PAN3: variants seen among roughly 807,000 people sequenced by gnomAD.
The protein encoded by PAN3 is PAN2-PAN3 deadenylation complex subunit PAN3.
Under a neutral mutation model 96.2 loss-of-function variants are expected in PAN3, and 19 were observed. The ratio of observed to expected loss-of-function variants is 0.20; its 90% CI spans 0.14 to 0.29. The LOEUF is 0.29. PAN3 is among the 10% of genes least tolerant of loss of function. The probability of loss-of-function intolerance (pLI) is 1.00; values close to 1 mark genes in which losing one functional copy is unlikely to be tolerated. For missense variants in PAN3, 882 were observed against 1,108.1 expected (o/e 0.80, Z 2.90); for synonymous variants, 433 against 406.6 (o/e 1.06, Z -0.78).
At position 28,292,609 on chromosome 13, in the gene PAN3, C is replaced by A; in HGVS notation, c.*87C>A. 2 of 1,346,038 alleles carry A rather than the reference C, an allele frequency of 1.5e-6. No homozygotes were observed. Among genetic ancestry groups the A allele is most frequent in the South Asian group, 1.7e-5 (1 of 57,576 alleles). 83.4% of individuals were successfully genotyped at this position (1,346,038 alleles called of 1,614,324 possible). On this transcript the variant is annotated 3_prime_UTR_variant, in exon 19 of 19. Transcript: ENST00000380958. ...CAGCTGAACTTTTCATCATCTCATT[C>A]ACATTTGGGAAACGAACAGGAGATG...
upstream of PAN3, chr13:28,138,213 T>G (rs1249332249): frequency 6.6e-6 from 1 of 152,174 alleles, no homozygotes; most frequent in African/African-American, 2.4e-5. Flanking sequence ...GACGGCCGTC[T>G]CAGGAAGAGG....
At chr13:28,141,345 G>C (rs1224017175) in intron 1 of PAN3, among the ~76,000 whole-genome samples, 2 of 151,658 alleles carry the variant, frequency 1.3e-5, no homozygotes, top group Non-Finnish European at 2.9e-5. Flanking sequence ...AGACTTCATA[G>C]GTGATCTTTC....
intron 6 of PAN3, among the ~76,000 whole-genome samples, chr13:28,237,983 G>T (rs1446298213): frequency 6.6e-6 from 1 of 152,190 alleles, no homozygotes; most frequent in African/African-American, 2.4e-5. Context: ...ATGAATGCAT[G>T]TTAATTTGAC....
At chr13:28,284,074 G>A (rs1423059617) in intron 17 of PAN3, among the ~76,000 whole-genome samples, 1 of 152,198 alleles carries the variant, frequency 6.6e-6, no homozygotes, top group Non-Finnish European at 1.5e-5. Context: ...AGGTCAGTAG[G>A]TGTGCCACTA....
At chr13:28,145,314 A>G (rs1017324429) in intron 1 of PAN3, among the ~76,000 whole-genome samples, 1 of 151,730 alleles carries the variant, frequency 6.6e-6, no homozygotes, top group Non-Finnish European at 1.5e-5. Context: ...TTGGCTTTCA[A>G]TTTTTTGACT....
chr13:28,291,189 C>T (rs1462298547), intron 18 of PAN3, among the ~76,000 whole-genome samples: 1 of 150,814 alleles, frequency 6.6e-6, no homozygotes, highest in African/African-American at 2.5e-5. Flanking sequence ...CAGAAATTGT[C>T]TGGTAAATGA....
intron 1 of PAN3, 88 bp downstream of exon 1, chr13:28,139,175 G>A (rs111929105): frequency 8.2e-7 from 1 of 1,221,850 alleles, no homozygotes; most frequent in Non-Finnish European, 1.0e-6. Flanking sequence ...AGCTGAGCAC[G>A]GCCCGCGGGC....
chr13:28,267,502 AT>A (rs1232090983), intron 12 of PAN3, 101 bp downstream of exon 12: 7 of 995,974 alleles, frequency 7.0e-6, no homozygotes, highest in African/African-American at 1.6e-5. Flanking sequence ...CCCTGTAATC[AT>A]TTAGTTTAAA....
chr13:28,259,406 A>G (rs1037985455), intron 7 of PAN3, among the ~76,000 whole-genome samples: 7 of 151,746 alleles, frequency 4.6e-5, no homozygotes, highest in Non-Finnish European at 1.0e-4. Context: ...TCCGGGTTCA[A>G]ATGATTCTCC....
intron 1 of PAN3, among the ~76,000 whole-genome samples, chr13:28,145,362 T>C (rs1360876740): frequency 6.6e-6 from 1 of 152,170 alleles, no homozygotes; most frequent in African/African-American, 2.4e-5. Flanking sequence ...TCTCACTCTA[T>C]CACCCATGCT....
intron 6 of PAN3, chr13:28,239,444 G>T: frequency 8.2e-6 from 3 of 366,934 alleles, no homozygotes; most frequent in South Asian, 6.6e-5. Flanking sequence ...GATGCCTTTG[G>T]TTCATTGGCT....
At chr13:28,288,217 G>T in intron 18 of PAN3, 95 bp downstream of exon 18, 3 of 1,141,034 alleles carry the variant, frequency 2.6e-6, no homozygotes. Flanking sequence ...AAGAAATCAG[G>T]ATGTACTCTT....
chr13:28,159,214 A>G (rs954997219), intron 1 of PAN3, among the ~76,000 whole-genome samples: 20 of 152,212 alleles, frequency 1.3e-4, no homozygotes, highest in African/African-American at 4.8e-4. Context: ...ATGCCCATCA[A>G]TGGTAGACCA....
At chr13:28,216,388 T>C (rs1880775725) in intron 5 of PAN3, among the ~76,000 whole-genome samples, 1 of 152,204 alleles carries the variant, frequency 6.6e-6, no homozygotes, top group Non-Finnish European at 1.5e-5. Flanking sequence ...TTTAGTATGA[T>C]GTTTATGGTC....
At chr13:28,283,003 A>G (rs2138730149) in intron 17 of PAN3, among the ~76,000 whole-genome samples, 1 of 151,954 alleles carries the variant, frequency 6.6e-6, no homozygotes, top group Non-Finnish European at 1.5e-5. Context: ...TTCACACATT[A>G]TTGATACTGT....
chr13:28,270,420 TCTTA>T (rs1015692303), intron 12 of PAN3, among the ~76,000 whole-genome samples: 7 of 152,368 alleles, frequency 4.6e-5, no homozygotes, highest in African/African-American at 1.4e-4. Context: ...ACATATAAAT[TCTTA>T]CTTTAAGTAA....
Position 28,162,566 on chromosome 13 carries a change from G to A in PAN3, c.431-11706G>A, listed in dbSNP as rs141853596. Among the ~76,000 whole-genome samples the A allele has an allele frequency of 1.1e-4, 17 of 151,886 alleles. No individual in the cohort carries two copies. The East Asian group carries it at 3.1e-3, about 28-fold the overall frequency. Reference sequence around the variant, plus strand: ...ATGGGCGTGGTGGCGCACACCTGTAGAACCCAGGAGGTGGAGGTTGCAGTG... The same window carrying A: ...ATGGGCGTGGTGGCGCACACCTGTAAAACCCAGGAGGTGGAGGTTGCAGTG... On this transcript the variant is annotated intron_variant, in intron 1 of 18. Coordinates refer to ENST00000380958, the MANE Select transcript of PAN3 (RefSeq NM_175854.8).
intron 6 of PAN3, among the ~76,000 whole-genome samples, chr13:28,232,177 G>A (rs1357916261): frequency 2.0e-5 from 3 of 152,010 alleles, no homozygotes; most frequent in African/African-American, 7.3e-5. Context: ...CTAATCCCCC[G>A]CAACCCGGAG....
At chr13:28,201,816 A>G (rs113205118) in intron 5 of PAN3, among the ~76,000 whole-genome samples, 12 of 152,110 alleles carry the variant, frequency 7.9e-5, no homozygotes, top group Non-Finnish European at 1.8e-4. Flanking sequence ...TACTTTTAGA[A>G]TTGTCTTCTG....
Sources: gnomAD v4.1 joint callset for allele counts (sites outside exome capture counted in the v4.1 genomes callset) on GRCh38, gnomAD v4.1.1 for gene constraint, MANE v1.5 for transcripts, NCBI Gene and HGNC (gene_info 2026-07-23, HGNC 2026-07-21) for gene names.